The following HPSE2 variants were observed in gnomAD, a reference collection of about 807,000 sequenced individuals.
HPSE2 encodes heparanase 2 (inactive).
A neutral mutation model predicts 60.5 loss-of-function variants in HPSE2; 38 were observed. The ratio of observed to expected loss-of-function variants is 0.63; its 90% CI spans 0.48 to 0.82. HPSE2 has a LOEUF of 0.82. Among genes scored for constraint, HPSE2 ranks in the 40% least tolerant of loss-of-function variants. The pLI, the probability that HPSE2 is intolerant of heterozygous loss-of-function variation, is 0.00. For synonymous variants in HPSE2, 295 were observed against 293.2 expected, an observed-to-expected ratio of 1.01 and a Z score of -0.06; for missense variants, 713 against 740.4, an observed-to-expected ratio of 0.96 and a Z score of 0.43.
In HPSE2 at chr10:98,595,328, C is replaced by A. The variant is rs1338430211; in HGVS notation, c.1320+19576G>T. Among the ~76,000 whole-genome samples the A allele has an allele frequency of 2.6e-5, 4 of 152,098 alleles. No homozygotes were observed. The East Asian group carries it at 5.8e-4, about 22-fold the overall frequency. On this transcript the variant is annotated intron_variant, in intron 9 of 11. Transcript: ENST00000370552. ...GGGACTACAGATGCCCACCACCACA[C>A]CTGGCAAATTTTTTTGTATTTTTAG...
rs1185848024 is a variant in HPSE2 at position 98,603,433 on chromosome 10, T to TTTTTTG, written c.1320+11465_1320+11470dup. ...TTTGAAATACGCCAGAGCACTCTGT[T>TTTTTTG]TTTTTGTTTTTTTTTTTGACAGAGT... On this transcript the variant is annotated intron_variant, in intron 9 of 11. Coordinates refer to ENST00000370552, the MANE Select transcript of HPSE2 (RefSeq NM_021828.5). Among the ~76,000 whole-genome samples the TTTTTTG allele has an allele frequency of 1.4e-3, 37 of 27,098 alleles. 1 individual carries two copies. Among genetic ancestry groups the TTTTTTG allele is most frequent in the Non-Finnish European group, 1.5e-3 (6 of 4,064 alleles). 17.8% of individuals were successfully genotyped at this position (27,098 alleles called of 152,430 possible).
chr10:98,547,896 C>T (rs996170174), intron 9 of HPSE2, among the ~76,000 whole-genome samples: 1 of 151,970 alleles, frequency 6.6e-6, no homozygotes, highest in Non-Finnish European at 1.5e-5. Flanking sequence ...CATGTTTAAA[C>T]ATTCATTTAA....
intron 10 of HPSE2, 81 bp from the exon 11 acceptor site, chr10:98,482,863 C>G (rs1413464503): frequency 1.4e-6 from 2 of 1,468,776 alleles, no homozygotes; most frequent in East Asian, 2.3e-5. Flanking sequence ...ATAGACTGTA[C>G]AAAATATGAA....
the HPSE2 span, among the ~76,000 whole-genome samples, chr10:99,302,271 C>G: frequency 2.6e-5 from 4 of 152,106 alleles, no homozygotes; most frequent in Admixed American, 2.6e-4. Flanking sequence ...GTTTCTGGTG[C>G]TCCATACTCA....
At chr10:98,746,144 T>C (rs1276267493) in intron 3 of HPSE2, among the ~76,000 whole-genome samples, 8 of 117,262 alleles carry the variant, frequency 6.8e-5, no homozygotes, top group Admixed American at 1.7e-4. Context: ...CTACCCAGAA[T>C]TGAGTAATTG....
At chr10:99,288,748 C>CAAAAAAAAAAAAAAAAAAAAAA in the HPSE2 span, among the ~76,000 whole-genome samples, 2 of 75,808 alleles carry the variant, frequency 2.6e-5, no homozygotes, top group Non-Finnish European at 2.2e-5. Flanking sequence ...CAGCCTCAAG[C>CAAAAAAAAAAAAAAAAAAAAAA]AAAAAAAAAA....
At chr10:98,560,599 C>T (rs1360317028) in intron 9 of HPSE2, among the ~76,000 whole-genome samples, 1 of 152,230 alleles carries the variant, frequency 6.6e-6, no homozygotes, top group African/African-American at 2.4e-5. Context: ...CTTGGTCCAC[C>T]TCAGCAGGAC....
At chr10:99,184,843 G>T (rs1406125497) in intron 2 of HPSE2, among the ~76,000 whole-genome samples, 1,498 of 103,138 alleles carry the variant, frequency 0.015, 114 homozygotes, top group Non-Finnish European at 0.026. Flanking sequence ...GAGAGAGAGA[G>T]AGAGAGAGAG....
chr10:98,560,201 C>G, intron 9 of HPSE2, among the ~76,000 whole-genome samples: 1 of 152,178 alleles, frequency 6.6e-6, no homozygotes, highest in Non-Finnish European at 1.5e-5. Context: ...TCATTACTGC[C>G]AATCTAATCT....
At chr10:99,093,703 T>G (rs370919812) in intron 3 of HPSE2, among the ~76,000 whole-genome samples, 2 of 152,210 alleles carry the variant, frequency 1.3e-5, no homozygotes, top group East Asian at 1.9e-4. Flanking sequence ...GGAACTCTCA[T>G]GAACTAATCA....
At chr10:98,600,951 A>T (rs1945407252) in intron 9 of HPSE2, among the ~76,000 whole-genome samples, 1 of 21,394 alleles carries the variant, frequency 4.7e-5, no homozygotes, top group Non-Finnish European at 3.5e-4. Context: ...AGAAAGAGAG[A>T]AAGAGAGTGA....
chr10:98,771,984 C>T (rs1034675433), intron 3 of HPSE2, among the ~76,000 whole-genome samples: 9 of 152,096 alleles, frequency 5.9e-5, no homozygotes, highest in Admixed American at 2.0e-4. Flanking sequence ...TTTGCTAAGG[C>T]CATTAGGAAT....
At chr10:98,490,247 G>A in intron 9 of HPSE2, 51 bp from the exon 10 acceptor site, 4 of 1,560,520 alleles carry the variant, frequency 2.6e-6, no homozygotes, top group Non-Finnish European at 3.5e-6. Context: ...ATGCTCAGGT[G>A]TTCTGAGTAA....
At chr10:99,014,285 A>G (rs1400180560) in intron 3 of HPSE2, among the ~76,000 whole-genome samples, 3 of 152,244 alleles carry the variant, frequency 2.0e-5, no homozygotes, top group African/African-American at 4.8e-5. Flanking sequence ...TGCAAAGGAC[A>G]TGATCTCATT....
At chr10:98,820,105 G>C (rs1565187304) in intron 3 of HPSE2, among the ~76,000 whole-genome samples, 2 of 152,056 alleles carry the variant, frequency 1.3e-5, no homozygotes, top group Non-Finnish European at 2.9e-5. Flanking sequence ...ACGTAGGAAA[G>C]TCAACAATAT....
At chr10:99,019,280 G>C (rs564693842) in intron 3 of HPSE2, among the ~76,000 whole-genome samples, 4 of 152,294 alleles carry the variant, frequency 2.6e-5, no homozygotes, top group Admixed American at 1.3e-4. Flanking sequence ...TGAAAGGAAA[G>C]GTCAGATTTA....
chr10:99,034,851 T>G (rs1316415723), intron 3 of HPSE2, among the ~76,000 whole-genome samples: 1 of 152,170 alleles, frequency 6.6e-6, no homozygotes, highest in Non-Finnish European at 1.5e-5. Context: ...ATGGTAATTG[T>G]GAGTATATAT....
chr10:98,695,279 G>A (rs1264439998), intron 5 of HPSE2, among the ~76,000 whole-genome samples: 1 of 152,166 alleles, frequency 6.6e-6, no homozygotes, highest in African/African-American at 2.4e-5. Flanking sequence ...GGAGGAGAAG[G>A]AGGACGAGGA....
chr10:98,572,161 G>A (rs1056624735), intron 9 of HPSE2, among the ~76,000 whole-genome samples: 9 of 152,062 alleles, frequency 5.9e-5, no homozygotes, highest in Admixed American at 3.3e-4. Context: ...GGCTGGTCTC[G>A]AACTCCTGAC....
Sources: allele counts gnomAD v4.1 joint callset (sites outside exome capture counted in the v4.1 genomes callset), GRCh38; gene constraint gnomAD v4.1.1; transcripts MANE v1.5; gene names NCBI Gene and HGNC (gene_info 2026-07-23, HGNC 2026-07-21).